Variants in RPS6KC1 observed in about 807,000 individuals in gnomAD.
The protein encoded by RPS6KC1 is ribosomal protein S6 kinase C1.
Under a neutral mutation model 103.8 loss-of-function variants are expected in RPS6KC1, and 54 were observed. That is an observed-to-expected ratio of 0.52 (90% confidence interval 0.42 to 0.65). The LOEUF is 0.65. Ranked by LOEUF, RPS6KC1 falls within the 30% of genes least tolerant of loss-of-function variation. The probability of loss-of-function intolerance (pLI) is 0.00; values close to 1 mark genes in which losing one functional copy is unlikely to be tolerated. For missense variants in RPS6KC1, 1,151 were observed against 1,253.8 expected, an observed-to-expected ratio of 0.92 and a Z score of 1.24; for synonymous variants, 439 against 438.7, an observed-to-expected ratio of 1.00 and a Z score of -0.01.
At chr1:213,443,337 T>A in the RPS6KC1 span, among the ~76,000 whole-genome samples, 1 of 152,212 alleles carries the variant, frequency 6.6e-6, no homozygotes, top group Non-Finnish European at 1.5e-5. Context: ...ATCTAAAAAT[T>A]TGTTATAGTC....
At chr1:213,585,596 C>A in the RPS6KC1 span, among the ~76,000 whole-genome samples, 1 of 152,198 alleles carries the variant, frequency 6.6e-6, no homozygotes, top group Non-Finnish European at 1.5e-5. Context: ...GTGAGAACAG[C>A]CCAGGCAGGT....
At chr1:213,123,054 A>G (rs1025135721) in intron 5 of RPS6KC1, among the ~76,000 whole-genome samples, 6 of 152,212 alleles carry the variant, frequency 3.9e-5, no homozygotes, top group African/African-American at 1.4e-4. Flanking sequence ...TAAATGATAC[A>G]CTTAAATGTC....
At chr1:213,323,947 C>T in the RPS6KC1 span, among the ~76,000 whole-genome samples, 1 of 152,128 alleles carries the variant, frequency 6.6e-6, no homozygotes, top group Non-Finnish European at 1.5e-5. Flanking sequence ...TGACATGTAC[C>T]CACCATTATA....
intron 8 of RPS6KC1, among the ~76,000 whole-genome samples, chr1:213,177,326 T>C (rs934374681): frequency 6.6e-6 from 1 of 152,216 alleles, no homozygotes; most frequent in Non-Finnish European, 1.5e-5. Context: ...TATTTAATAT[T>C]AAGGGATAGG....
chr1:213,480,557 T>G, the RPS6KC1 span, among the ~76,000 whole-genome samples: 2 of 152,124 alleles, frequency 1.3e-5, no homozygotes, highest in Non-Finnish European at 2.9e-5. Context: ...CTTATTGCTT[T>G]GGCTAAGACT....
chr1:213,241,824 A>G lies in RPS6KC1; in HGVS notation c.2348A>G (p.His783Arg), dbSNP rs760152468. 10 of 1,613,910 alleles carry G rather than the reference A, an allele frequency of 6.2e-6. No homozygotes were observed. The Admixed American group carries it at 6.7e-5, about 11-fold the overall frequency. The change falls in exon 11 of 15, where the codon CAT becomes CGT. Residue 783 changes from histidine (H) to arginine (R), a missense_variant. Coordinates refer to ENST00000366960, the MANE Select transcript of RPS6KC1 (RefSeq NM_012424.6). Reference sequence around the variant, plus strand: ...ATGTTATTTGTAGCAGCTGTTGATCATAGTAGTTCAGGAGATATGTCTTTG... The same window carrying G: ...ATGTTATTTGTAGCAGCTGTTGATCGTAGTAGTTCAGGAGATATGTCTTTG... ...PRMLFVAAVD[H>R]SSSGDMSLLP...
chr1:213,332,778 T>A, the RPS6KC1 span, among the ~76,000 whole-genome samples: 1 of 152,126 alleles, frequency 6.6e-6, no homozygotes, highest in African/African-American at 2.4e-5. Flanking sequence ...GACAACTTCT[T>A]CCTTATATAC....
the RPS6KC1 span, among the ~76,000 whole-genome samples, chr1:213,708,722 C>A: frequency 6.6e-6 from 1 of 152,086 alleles, no homozygotes; most frequent in African/African-American, 2.4e-5. Flanking sequence ...TGAGATACAT[C>A]CCATCAATAC....
chr1:213,237,018 A>C (rs1307939896), intron 10 of RPS6KC1, among the ~76,000 whole-genome samples: 3 of 152,152 alleles, frequency 2.0e-5, no homozygotes, highest in Non-Finnish European at 4.4e-5. Context: ...AACAGTAATT[A>C]TATATCTTCC....
chr1:213,469,309 G>A, the RPS6KC1 span, among the ~76,000 whole-genome samples: 1 of 152,204 alleles, frequency 6.6e-6, no homozygotes, highest in Non-Finnish European at 1.5e-5. Flanking sequence ...AAAAGTTACT[G>A]TTAGCTTAAA....
At chr1:213,542,498 T>C in the RPS6KC1 span, among the ~76,000 whole-genome samples, 108,171 of 152,022 alleles carry the variant, frequency 0.71, 38,893 homozygotes, top group East Asian at 0.98. Context: ...CAGCTTTGGT[T>C]GTGTCCTTTC....
At chr1:213,583,369 G>A in the RPS6KC1 span, among the ~76,000 whole-genome samples, 8 of 152,152 alleles carry the variant, frequency 5.3e-5, no homozygotes, top group African/African-American at 1.9e-4. Flanking sequence ...ATTTCCTATT[G>A]CAAACAGTGT....
At chr1:213,795,049 C>T in the RPS6KC1 span, among the ~76,000 whole-genome samples, 6 of 152,292 alleles carry the variant, frequency 3.9e-5, no homozygotes, top group African/African-American at 1.4e-4. Context: ...CATGAGTTGT[C>T]CTTAGTAGCT....
chr1:213,738,834 T>TAAAA, the RPS6KC1 span, among the ~76,000 whole-genome samples: 1 of 118,742 alleles, frequency 8.4e-6, no homozygotes, highest in East Asian at 2.1e-4. Context: ...GCCTCTACTC[T>TAAAA]AAAAAATAAA....
the RPS6KC1 span, among the ~76,000 whole-genome samples, chr1:213,773,538 T>C: frequency 6.7e-6 from 1 of 148,918 alleles, no homozygotes; most frequent in Non-Finnish European, 1.5e-5. Context: ...TATGTATAGA[T>C]ATATATATCT....
chr1:213,735,212 C>T, the RPS6KC1 span, among the ~76,000 whole-genome samples: 1 of 152,128 alleles, frequency 6.6e-6, no homozygotes, highest in South Asian at 2.1e-4. Flanking sequence ...AGAATGCTTC[C>T]CTGATCCTCT....
the RPS6KC1 span, among the ~76,000 whole-genome samples, chr1:213,371,408 T>TATCTCGA: frequency 1.3e-5 from 2 of 152,222 alleles, no homozygotes; most frequent in African/African-American, 4.8e-5. Flanking sequence ...AACATGGGTG[T>TATCTCGA]GCAAATATCT....
the RPS6KC1 span, among the ~76,000 whole-genome samples, chr1:213,651,092 G>A: frequency 3.4e-4 from 51 of 152,058 alleles, 2 homozygotes; most frequent in South Asian, 5.2e-3. Flanking sequence ...AGGGAGAAAA[G>A]TGGGATGCAG....
the RPS6KC1 span, among the ~76,000 whole-genome samples, chr1:213,799,129 C>T: frequency 2.0e-5 from 3 of 152,316 alleles, no homozygotes; most frequent in African/African-American, 7.2e-5. Flanking sequence ...ATTCTTCCTT[C>T]CTTCTGTCCG....
Sources: gnomAD v4.1 joint callset for allele counts (sites outside exome capture counted in the v4.1 genomes callset) on GRCh38, gnomAD v4.1.1 for gene constraint, MANE v1.5 for transcripts, NCBI Gene and HGNC (gene_info 2026-07-23, HGNC 2026-07-21) for gene names.